PTPRN2: variants seen among roughly 807,000 people sequenced by gnomAD.
PTPRN2 encodes receptor-type tyrosine-protein phosphatase N2.
PTPRN2 carries 74 observed loss-of-function variants against 118.8 expected under a neutral mutation model. The ratio of observed to expected loss-of-function variants is 0.62; its 90% CI spans 0.52 to 0.76. The LOEUF is 0.76. PTPRN2 is among the 30% of genes least tolerant of loss of function. The pLI is 0.00. For synonymous variants in PTPRN2, 641 were observed against 608.0 expected (o/e 1.05, Z -0.80); for missense variants, 1,481 against 1,394.4 (o/e 1.06, Z -0.99).
intron 2 of PTPRN2, among the ~76,000 whole-genome samples, chr7:158,435,355 C>T (rs138763921): frequency 0.019 from 2,867 of 152,070 alleles, 75 homozygotes; most frequent in African/African-American, 0.065. Context: ...CAAAAATGCT[C>T]GACATCACTA....
intron 3 of PTPRN2, among the ~76,000 whole-genome samples, chr7:158,233,215 C>T (rs1829283308): frequency 6.6e-6 from 1 of 152,156 alleles, no homozygotes; most frequent in Non-Finnish European, 1.5e-5. Context: ...CTGACAAATT[C>T]AGTAAAGTTG....
intron 2 of PTPRN2, among the ~76,000 whole-genome samples, chr7:158,449,586 C>T (rs1015469564): frequency 1.8e-4 from 27 of 152,194 alleles, no homozygotes; most frequent in Non-Finnish European, 5.9e-5. Context: ...CGAGACCAAA[C>T]ACCAACAGGC....
chr7:158,216,268 T>A (rs570691153), intron 3 of PTPRN2, among the ~76,000 whole-genome samples: 1 of 151,472 alleles, frequency 6.6e-6, no homozygotes, highest in South Asian at 2.1e-4. Flanking sequence ...ATTTCCAAAA[T>A]CATTAAAGTA....
At chr7:158,466,770 G>A (rs1819417829) in intron 2 of PTPRN2, among the ~76,000 whole-genome samples, 2 of 152,328 alleles carry the variant, frequency 1.3e-5, no homozygotes, top group South Asian at 4.1e-4. Context: ...GCCAGGTGCA[G>A]TGGCTCACGC....
At chr7:158,512,173 T>C (rs1040824445) in intron 1 of PTPRN2, among the ~76,000 whole-genome samples, 10 of 152,182 alleles carry the variant, frequency 6.6e-5, no homozygotes, top group Non-Finnish European at 1.3e-4. Flanking sequence ...AGTGCTGACC[T>C]ACATAGCTCT....
intron 3 of PTPRN2, among the ~76,000 whole-genome samples, chr7:158,222,802 A>G (rs10215664): frequency 0.28 from 42,127 of 152,092 alleles, 7,020 homozygotes; most frequent in African/African-American, 0.46. Context: ...ATAAACCCAA[A>G]TAAAGTAGAA....
chr7:157,667,181 T>G lies in PTPRN2; in HGVS notation c.2002-10630A>C, dbSNP rs2530407. On this transcript the variant is annotated intron_variant, in intron 13 of 22. Transcript: ENST00000389418. ...GCCTGTGGGACACTGATCTCTGGTG[T>G]GTGCAATGAGTACACAGCCTGGCTT... Among the ~76,000 whole-genome samples, 82 of 39,202 alleles carry G rather than the reference T, an allele frequency of 2.1e-3. 1 individual carries two copies. Among genetic ancestry groups the G allele is most frequent in the Admixed American group, 3.7e-3 (12 of 3,228 alleles). The allele number at this position is 39,202 out of a possible 152,430, so 25.7% of individuals were successfully genotyped here. A position where few individuals can be genotyped will look rare whatever the true frequency, so the allele number is the denominator to read the frequency against.
Position 157,991,901 on chromosome 7 carries a change from GC to G in PTPRN2, c.1723+89396del. On this transcript the variant is annotated intron_variant, in intron 11 of 22. Transcript: ENST00000389418. ...CAGACCCTCCCGGGGCTCAAAAAAG[GC>G]TCCCAGCATCGGTCACAGCCCGTGC... is the stretch of plus-strand genomic sequence containing the variant. Among the ~76,000 whole-genome samples the G allele has an allele frequency of 8.6e-5, 13 of 151,748 alleles. No individual in the cohort carries two copies. In the South Asian group the frequency reaches 2.7e-3, roughly 31 times the overall value.
intron 12 of PTPRN2, among the ~76,000 whole-genome samples, chr7:157,738,112 C>T (rs1424208881): frequency 2.6e-5 from 4 of 152,208 alleles, no homozygotes; most frequent in South Asian, 2.1e-4. Flanking sequence ...TAAGGCCTCT[C>T]GGTATTATAC....
intron 1 of PTPRN2, among the ~76,000 whole-genome samples, chr7:158,501,747 T>A (rs2034953705): frequency 6.6e-6 from 1 of 152,208 alleles, no homozygotes; most frequent in Non-Finnish European, 1.5e-5. Context: ...CCAACGCGTG[T>A]TTCGGCAGCC....
chr7:158,258,866 C>T (rs751148928), intron 3 of PTPRN2, among the ~76,000 whole-genome samples: 8 of 152,196 alleles, frequency 5.3e-5, no homozygotes, highest in Admixed American at 1.3e-4. Flanking sequence ...TGCAGCCACG[C>T]GAGGTCTGTC....
At position 157,903,377 on chromosome 7, in the gene PTPRN2, C is replaced by T. The variant is rs1247587179; in HGVS notation, c.1724-4640G>A. Among the ~76,000 whole-genome samples, 1 of 152,128 alleles carries T rather than the reference C, an allele frequency of 6.6e-6. No homozygotes were observed. The highest frequency in any genetic ancestry group is 2.4e-5 in the African/African-American group (1 of 41,430). On this transcript the variant is annotated intron_variant, in intron 11 of 22. Coordinates refer to ENST00000389418, the MANE Select transcript of PTPRN2 (RefSeq NM_002847.5). The surrounding 1 kb of genome is among the most constrained non-coding windows in gnomAD (Gnocchi z 4.2). Reference sequence around the variant, plus strand: ...AAGACGGTACCCCAAACCTCAGCATCACCAGTATGCCCAGGTCACAAGTGT... The same window carrying T: ...AAGACGGTACCCCAAACCTCAGCATTACCAGTATGCCCAGGTCACAAGTGT...
rs376796876 is a variant in PTPRN2, at chr7:157,819,680, C to G, written c.1788+78993G>C. Among the ~76,000 whole-genome samples, 4 of 152,254 alleles carry G rather than the reference C, an allele frequency of 2.6e-5. No individual in the cohort carries two copies. In the South Asian group the frequency reaches 6.2e-4, roughly 24 times the overall value. On this transcript the variant is annotated intron_variant, in intron 12 of 22. Transcript: ENST00000389418. ...GGCAGCGCAGGTGCATTCAGGGGAG[C>G]GTGCTGGATGGGAGGGGGCTCCCTG... is the stretch of plus-strand genomic sequence containing the variant.
chr7:157,901,139 CTT>C (rs917716973), intron 11 of PTPRN2, among the ~76,000 whole-genome samples: 1 of 152,192 alleles, frequency 6.6e-6, no homozygotes, highest in Admixed American at 6.5e-5. Flanking sequence ...GGGCCAGGCT[CTT>C]GTTAACAATC....
At chr7:158,534,578 G>A (rs879310905) in intron 1 of PTPRN2, among the ~76,000 whole-genome samples, 28 of 152,140 alleles carry the variant, frequency 1.8e-4, no homozygotes, top group African/African-American at 5.1e-4. Flanking sequence ...CCTCATTGCC[G>A]TACCCCAAGA....
chr7:158,353,941 T>C (rs1272876901), intron 2 of PTPRN2, among the ~76,000 whole-genome samples: 1 of 152,182 alleles, frequency 6.6e-6, no homozygotes, highest in Admixed American at 6.5e-5. Flanking sequence ...GTGGGGCTAC[T>C]GTCCCCAGCC....
chr7:158,071,631 GTGGTGGAGATGCTCGTGGTGA>G (rs1811747662), intron 11 of PTPRN2, among the ~76,000 whole-genome samples: 10 of 130,592 alleles, frequency 7.7e-5, no homozygotes, highest in African/African-American at 1.4e-4. Context: ...GGTGCTCGTG[GTGGTGGAGATGCTCGTGGTGA>G]TGGAGGTGCT....
intron 2 of PTPRN2, among the ~76,000 whole-genome samples, chr7:158,320,995 T>C (rs930500609): frequency 1.3e-5 from 2 of 152,010 alleles, no homozygotes; most frequent in Non-Finnish European, 2.9e-5. Flanking sequence ...TTCTTCCGGG[T>C]CACTTGGCTA....
Position 158,251,439 on chromosome 7 carries a change from G to T in PTPRN2, c.278-46166C>A, listed in dbSNP as rs112182219. Among the ~76,000 whole-genome samples, 384 of 151,790 alleles carry T rather than the reference G, an allele frequency of 2.5e-3. 4 individuals are homozygous for T. The highest frequency in any genetic ancestry group is 8.9e-3 in the African/African-American group (368 of 41,340). ...GTGCAGGTGTGCAATGGATGTATATGGTGCATGTGGGGTGTGTGCAGGTGT... is the reference window on the plus strand; with the variant it reads ...GTGCAGGTGTGCAATGGATGTATATTGTGCATGTGGGGTGTGTGCAGGTGT... On this transcript the variant is annotated intron_variant, in intron 3 of 22. Transcript: ENST00000389418.
Sources: allele counts gnomAD v4.1 joint callset (sites outside exome capture counted in the v4.1 genomes callset), GRCh38; gene constraint gnomAD v4.1.1; non-coding constraint Gnocchi (gnomAD v3.1); transcripts MANE v1.5; gene names NCBI Gene and HGNC (gene_info 2026-07-23, HGNC 2026-07-21).